Variants in PCDHGC3 observed in about 807,000 individuals in gnomAD.
The protein encoded by PCDHGC3 is protocadherin gamma-C3.
A neutral mutation model predicts 59.2 loss-of-function variants in PCDHGC3; 26 were observed. The ratio of observed to expected loss-of-function variants is 0.44; its 90% CI spans 0.32 to 0.61. The LOEUF is 0.61. Ranked by LOEUF, PCDHGC3 falls within the 20% of genes least tolerant of loss-of-function variation. The pLI is 0.05. For synonymous variants in PCDHGC3, 487 were observed against 519.7 expected (o/e 0.94, Z 0.86); for missense variants, 1,080 against 1,221.8 (o/e 0.88, Z 1.73).
In PCDHGC3 at chr5:141,491,667, G is replaced by C. The variant is rs746903142; in HGVS notation, c.2431-3140G>C. The C allele has an allele frequency of 3.7e-6, 6 of 1,613,678 alleles. No individual in the cohort carries two copies. The South Asian group carries it at 6.6e-5, about 18-fold the overall frequency. On this transcript the variant is annotated intron_variant, in intron 1 of 3. Transcript: ENST00000308177. This position sits in a 1 kb window ranked among gnomAD's most constrained non-coding sequence, Gnocchi z 6.9. Reference sequence around the variant, plus strand: ...TGGCGCTGGAGCCTGACGCCATCCGGTCCCGCTCTAATACGCTGCGGGAGC... The same window carrying C: ...TGGCGCTGGAGCCTGACGCCATCCGCTCCCGCTCTAATACGCTGCGGGAGC...
chr5:141,488,748 T>C (rs2099679003), intron 1 of PCDHGC3, among the ~76,000 whole-genome samples: 1 of 152,270 alleles, frequency 6.6e-6, no homozygotes, highest in African/African-American at 2.4e-5. Flanking sequence ...ATGCAGGAAG[T>C]TGCTGGGACA....
chr5:141,494,021 G>C (rs1036188621), intron 1 of PCDHGC3, among the ~76,000 whole-genome samples: 2 of 152,158 alleles, frequency 1.3e-5, no homozygotes, highest in African/African-American at 2.4e-5. Context: ...CCCCTTGGGA[G>C]CCCTGGAGAC....
In PCDHGC3 at chr5:141,489,515, G is replaced by A. The variant is rs983415025; in HGVS notation, c.2431-5292G>A. On this transcript the variant is annotated intron_variant, in intron 1 of 3. Coordinates refer to ENST00000308177, the MANE Select transcript of PCDHGC3 (RefSeq NM_002588.4). The surrounding 1 kb of genome is among the most constrained non-coding windows in gnomAD (Gnocchi z 4.5). ...CTGGCAGTGAATCAAAAGATTGACC[G>A]AGAAAGCCTATGTGGAGCCAGCACC... 2 of 1,614,104 alleles carry A rather than the reference G, an allele frequency of 1.2e-6. No homozygotes were observed. Among genetic ancestry groups the A allele is most frequent in the Non-Finnish European group, 8.5e-7 (1 of 1,180,034 alleles).
At position 141,477,742 on chromosome 5, in the gene PCDHGC3, G is replaced by C; in HGVS notation, c.1626G>C (p.Gly542=). 2 of 1,613,800 alleles carry C rather than the reference G, an allele frequency of 1.2e-6. No individual in the cohort carries two copies. Among genetic ancestry groups the C allele is most frequent in the Non-Finnish European group, 1.7e-6 (2 of 1,180,030 alleles). ...AATTAACAGCTCATATCAGCGATGG[G>C]GGCACCCCGGTCCTAGCCACCAACA... ...EFELTAHISD[G]GTPVLATNIS... Residue 542 remains glycine, a synonymous_variant, in exon 1 of 4, where the codon GGG becomes GGC. Coordinates refer to ENST00000308177, the MANE Select transcript of PCDHGC3 (RefSeq NM_002588.4). The surrounding 1 kb of genome is among the most constrained non-coding windows in gnomAD (Gnocchi z 4.9).
chr5:141,487,688 G>T lies in PCDHGC3; in HGVS notation c.2431-7119G>T, dbSNP rs376927186. ...AGGCATATGGCTAGGCCATGTCCTAGAGAGTACTGGCCTCTCAGTAAGTGC... is the reference window on the plus strand; with the variant it reads ...AGGCATATGGCTAGGCCATGTCCTATAGAGTACTGGCCTCTCAGTAAGTGC... On this transcript the variant is annotated intron_variant, in intron 1 of 3. Coordinates refer to ENST00000308177, the MANE Select transcript of PCDHGC3 (RefSeq NM_002588.4). The surrounding 1 kb of genome is among the most constrained non-coding windows in gnomAD (Gnocchi z 5.0). 1.2e-6 allele frequency: 2 copies of T among 1,604,966 alleles called. No individual in the cohort carries two copies.
chr5:141,491,726 C>T lies in PCDHGC3; in HGVS notation c.2431-3081C>T. On this transcript the variant is annotated intron_variant, in intron 1 of 3. Transcript: ENST00000308177. This position sits in a 1 kb window ranked among gnomAD's most constrained non-coding sequence, Gnocchi z 6.9. ...GTGAGGGGCTCGGCGCCGCCCCGGG[C>T]GACCCCTGGGGGCGGCACTGGAGAA... The T allele has an allele frequency of 6.2e-7, 1 of 1,605,884 alleles. No individual in the cohort carries two copies. Among genetic ancestry groups the T allele is most frequent in the East Asian group, 2.2e-5 (1 of 44,600 alleles).
At chr5:141,478,804 G>C (rs765938054) in intron 1 of PCDHGC3, 48 of 1,462,396 alleles carry the variant, frequency 3.3e-5, no homozygotes, top group Non-Finnish European at 4.1e-5. Context: ...GCACTCTTTT[G>C]CTATCACAAC....
Position 141,487,810 on chromosome 5 carries a change from C to T in PCDHGC3, c.2431-6997C>T. 7.1e-7 allele frequency: 1 copy of T among 1,417,854 alleles called. No homozygotes were observed. 87.8% of individuals were successfully genotyped at this position (1,417,854 alleles called of 1,614,324 possible). ...ATTAACCAGAGTTGTCACAGTTTAG[C>T]ATTGGGGGCGGGTCATGCCTATATC... is the stretch of plus-strand genomic sequence containing the variant. On this transcript the variant is annotated intron_variant, in intron 1 of 3. Coordinates refer to ENST00000308177, the MANE Select transcript of PCDHGC3 (RefSeq NM_002588.4). This position sits in a 1 kb window ranked among gnomAD's most constrained non-coding sequence, Gnocchi z 5.0.
chr5:141,497,374 T>C (rs2099776044), intron 2 of PCDHGC3, among the ~76,000 whole-genome samples: 1 of 152,112 alleles, frequency 6.6e-6, no homozygotes, highest in Non-Finnish European at 1.5e-5. Flanking sequence ...ATGTGTCCTC[T>C]GGGGTGAGCA....
At position 141,476,290 on chromosome 5, in the gene PCDHGC3, C is replaced by T. The variant is rs768208156; in HGVS notation, c.174C>T (p.Leu58=). ...TGGTCGCGAACCTTGGTTTGGATCT[C>T]GGTAGCCTCTCAGCCCGCAGGTTCC... The part of the protein sequence containing the change: ...GNVVANLGLD[L]GSLSARRFRV... Residue 58 remains leucine, a synonymous_variant, in exon 1 of 4, where the codon CTC becomes CTT. Coordinates refer to ENST00000308177, the MANE Select transcript of PCDHGC3 (RefSeq NM_002588.4). The surrounding 1 kb of genome is among the most constrained non-coding windows in gnomAD (Gnocchi z 7.6). 1.7e-5 allele frequency: 27 copies of T among 1,613,932 alleles called. No individual in the cohort carries two copies. Among genetic ancestry groups the T allele is most frequent in the Non-Finnish European group, 2.3e-5 (27 of 1,180,018 alleles).
chr5:141,478,642 T>A (rs777741719), intron 1 of PCDHGC3, 96 bp downstream of exon 1: 1 of 1,552,350 alleles, frequency 6.4e-7, no homozygotes, highest in South Asian at 1.2e-5. Context: ...GTGATGAAGA[T>A]GTTTTCCTGG....
chr5:141,494,661 G>A, intron 1 of PCDHGC3, 146 bp from the exon 2 acceptor site: 2 of 1,492,976 alleles, frequency 1.3e-6, no homozygotes, highest in Non-Finnish European at 1.8e-6. Context: ...TTTGTCTTTG[G>A]AGATGAGTCC....
chr5:141,478,540 C>T lies in PCDHGC3; in HGVS notation c.2424C>T (p.Pro808=), dbSNP rs1221128622. The T allele has an allele frequency of 6.2e-7, 1 of 1,606,412 alleles. No homozygotes were observed. The highest frequency in any genetic ancestry group is 2.2e-5 in the East Asian group (1 of 44,626). ...RQVLGAESAP[P]GQQAPPNTDW... is the part of the protein sequence containing the mutation. ...TGTTGGGTGCAGAGAGCGCCCCTCC[C>T]GGACAGGTAAGGTTTAGCAAGTCAT... Residue 808 remains proline (P), a synonymous_variant, in exon 1 of 4, where the codon CCC becomes CCT. Coordinates refer to ENST00000308177, the MANE Select transcript of PCDHGC3 (RefSeq NM_002588.4).
intron 3 of PCDHGC3, among the ~76,000 whole-genome samples, chr5:141,509,751 A>T (rs1430265981): frequency 6.6e-6 from 1 of 151,998 alleles, no homozygotes; most frequent in Admixed American, 6.5e-5. Flanking sequence ...CCTGTGCCTA[A>T]AGTGTCCCTG....
Position 141,477,797 on chromosome 5 carries a change from A to G in PCDHGC3, c.1681A>G (p.Asn561Asp). ...CGTGAACATATTTGTCACTGATCGC[A>G]ATGACAATGCCCCCCAGGTCCTATA... Reference protein sequence around the residue: ...ISVNIFVTDRNDNAPQVLYPR... With the variant: ...ISVNIFVTDRDDNAPQVLYPR... Residue 561 changes from asparagine to aspartate, a missense_variant, in exon 1 of 4, where the codon AAT becomes GAT. Coordinates refer to ENST00000308177, the MANE Select transcript of PCDHGC3 (RefSeq NM_002588.4). This position sits in a 1 kb window ranked among gnomAD's most constrained non-coding sequence, Gnocchi z 4.9. 1.2e-6 allele frequency: 2 copies of G among 1,614,082 alleles called. No individual in the cohort carries two copies. Among genetic ancestry groups the G allele is most frequent in the Non-Finnish European group, 1.7e-6 (2 of 1,180,032 alleles).
Position 141,477,818 on chromosome 5 carries a change from C to T in PCDHGC3, c.1702C>T (p.Leu568=), listed in dbSNP as rs202009040. 33 of 1,614,040 alleles carry T rather than the reference C, an allele frequency of 2.0e-5. No homozygotes were observed. The highest frequency in any genetic ancestry group is 1.3e-4 in the Admixed American group (8 of 60,006). The change falls in exon 1 of 4, where the codon CTA becomes TTA. Residue 568 remains leucine (L), a synonymous_variant. Transcript: ENST00000308177. This position sits in a 1 kb window ranked among gnomAD's most constrained non-coding sequence, Gnocchi z 4.9. ...TDRNDNAPQV[L]YPRPGGSSVE... is the part of the protein sequence containing the mutation. ...TCGCAATGACAATGCCCCCCAGGTCCTATATCCTCGGCCAGGTGGGAGCTC... is the reference window on the plus strand; with the variant it reads ...TCGCAATGACAATGCCCCCCAGGTCTTATATCCTCGGCCAGGTGGGAGCTC...
chr5:141,490,874 A>C lies in PCDHGC3; in HGVS notation c.2431-3933A>C. 1 of 1,613,948 alleles carries C rather than the reference A, an allele frequency of 6.2e-7. No homozygotes were observed. The highest frequency in any genetic ancestry group is 1.3e-5 in the African/African-American group (1 of 75,054). The stretch of plus-strand genomic sequence containing the variant: ...CGAGACTCCGGCTCTCCCCCATTGC[A>C]TGCCAACACATCTCTGCATGTGTTT... On this transcript the variant is annotated intron_variant, in intron 1 of 3. Coordinates refer to ENST00000308177, the MANE Select transcript of PCDHGC3 (RefSeq NM_002588.4). The surrounding 1 kb of genome is among the most constrained non-coding windows in gnomAD (Gnocchi z 5.4).
At position 141,490,982 on chromosome 5, in the gene PCDHGC3, G is replaced by T; in HGVS notation, c.2431-3825G>T. ...CACTCAGCCCCCCAGCGTCTCCCTC[G>T]CTCTGCTCCTCCTGGCTCCTTGGTC... On this transcript the variant is annotated intron_variant, in intron 1 of 3. Coordinates refer to ENST00000308177, the MANE Select transcript of PCDHGC3 (RefSeq NM_002588.4). This position sits in a 1 kb window ranked among gnomAD's most constrained non-coding sequence, Gnocchi z 5.4. 1.2e-6 allele frequency: 2 copies of T among 1,613,994 alleles called. No individual in the cohort carries two copies. The highest frequency in any genetic ancestry group is 1.7e-6 in the Non-Finnish European group (2 of 1,180,002).
Position 141,512,738 on chromosome 5 carries a change from C to A in PCDHGC3, c.*1565C>A, listed in dbSNP as rs1350606944. 2 of 152,840 alleles carry A rather than the reference C, an allele frequency of 1.3e-5. No individual in the cohort carries two copies. The highest frequency in any genetic ancestry group is 2.1e-4 in the South Asian group (1 of 4,838). The allele number at this position is 152,840 out of a possible 1,614,324, so 9.5% of individuals were successfully genotyped here. A position where few individuals can be genotyped will look rare whatever the true frequency, so the allele number is the denominator to read the frequency against. On this transcript the variant is annotated 3_prime_UTR_variant, in exon 4 of 4. Transcript: ENST00000308177. ...TGGCGGGTGGGCAGCGGGCGGCGGG[C>A]TCCGCGCAGCCGTCTGTCCTTGATC...
Sources: allele counts gnomAD v4.1 joint callset (sites outside exome capture counted in the v4.1 genomes callset), GRCh38; gene constraint gnomAD v4.1.1; non-coding constraint Gnocchi (gnomAD v3.1); transcripts MANE v1.5; gene names NCBI Gene and HGNC (gene_info 2026-07-23, HGNC 2026-07-21).